Variants in PLAGL1 observed in about 807,000 individuals in gnomAD.
The protein encoded by PLAGL1 is zinc finger protein PLAGL1.
In PLAGL1, 1 loss-of-function variant was observed where a neutral mutation model predicts 4.6. That is an observed-to-expected ratio of 0.22 (90% CI 0.08 to 1.03). The LOEUF (loss-of-function observed/expected upper bound fraction) is 1.03, where lower values mean the gene tolerates loss of function less well. Among genes scored for constraint, PLAGL1 ranks in the 50% least tolerant of loss-of-function variants. PLAGL1 has a pLI of 0.58. For missense variants in PLAGL1, 464 were observed against 570.4 expected, an observed-to-expected ratio of 0.81 and a Z score of 1.90; for synonymous variants, 240 against 237.8, an observed-to-expected ratio of 1.01 and a Z score of -0.08.
chr6:144,054,444 TGCAGGG>T (rs933009542), intron 1 of PLAGL1, among the ~76,000 whole-genome samples: 1 of 152,160 alleles, frequency 6.6e-6, no homozygotes, highest in African/African-American at 2.4e-5. Context: ...TCATGTCCCT[TGCAGGG>T]GCATGGATGA....
rs1184433977 is a variant in PLAGL1 at position 144,005,551 on chromosome 6, A to G, written c.-584+2539T>C. 1.3e-5 allele frequency: 2 copies of G among 152,202 alleles called. No homozygotes were observed. The highest frequency in any genetic ancestry group is 1.9e-4 in the East Asian group (1 of 5,206). 9.4% of individuals were successfully genotyped at this position (152,202 alleles called of 1,614,324 possible). ...CTCAATATATACATGTCTCAGGTAA[A>G]TTAAAGAACAAAATGTGGACAAAAC... On this transcript the variant is annotated intron_variant, in intron 1 of 7. Coordinates refer to ENST00000674357, the MANE Select transcript of PLAGL1 (RefSeq NM_001317162.2). The surrounding 1 kb of genome is among the most constrained non-coding windows in gnomAD (Gnocchi z 4.6).
rs1161102716 is a variant in PLAGL1, at chr6:143,975,891, C to G, written c.-543-6913G>C. Among the ~76,000 whole-genome samples the G allele has an allele frequency of 6.6e-6, 1 of 152,126 alleles. No individual in the cohort carries two copies. Among genetic ancestry groups the G allele is most frequent in the Non-Finnish European group, 1.5e-5 (1 of 68,016 alleles). ...AAAAGAAGAAATTCACAGACTGTTA[C>G]CACTTGAAGAGAAAAATACACACAG... On this transcript the variant is annotated intron_variant, in intron 2 of 7. Coordinates refer to ENST00000674357, the MANE Select transcript of PLAGL1 (RefSeq NM_001317162.2). The surrounding 1 kb of genome is among the most constrained non-coding windows in gnomAD (Gnocchi z 5.8).
At position 143,990,301 on chromosome 6, in the gene PLAGL1, A is replaced by G. The variant is rs1473436531; in HGVS notation, c.-583-5127T>C. ...ATGCCCAGCTAATTTTTGTATTTTT[A>G]TTAGAGACGGGGTTTCAACATGTTG... On this transcript the variant is annotated intron_variant, in intron 1 of 7. Coordinates refer to ENST00000674357, the MANE Select transcript of PLAGL1 (RefSeq NM_001317162.2). The surrounding 1 kb of genome is among the most constrained non-coding windows in gnomAD (Gnocchi z 5.4). Among the ~76,000 whole-genome samples the G allele has an allele frequency of 6.6e-6, 1 of 151,988 alleles. No individual in the cohort carries two copies. Among genetic ancestry groups the G allele is most frequent in the Non-Finnish European group, 1.5e-5 (1 of 67,980 alleles).
At chr6:143,991,911 C>CATT (rs1206107516) in intron 1 of PLAGL1, among the ~76,000 whole-genome samples, 4 of 152,206 alleles carry the variant, frequency 2.6e-5, no homozygotes, top group Non-Finnish European at 2.9e-5. Flanking sequence ...GATCCCAGAA[C>CATT]ATTAAGAGAA....
upstream of PLAGL1, among the ~76,000 whole-genome samples, chr6:144,011,480 A>G (rs1795181331): frequency 1.3e-5 from 2 of 152,142 alleles, no homozygotes; most frequent in Admixed American, 6.6e-5. This position sits in a 1 kb window ranked among gnomAD's most constrained non-coding sequence, Gnocchi z 4.3. Context: ...TTTAACATTA[A>G]TATACCCTTT....
chr6:144,060,612 G>A (rs1011941223), intron 1 of PLAGL1, among the ~76,000 whole-genome samples: 1 of 152,014 alleles, frequency 6.6e-6, no homozygotes, highest in Non-Finnish European at 1.5e-5. Context: ...CTCTTCCCAA[G>A]AAAAAAATGA....
At position 144,027,223 on chromosome 6, in the gene PLAGL1, C is replaced by CAAAGAATGAAAGAAAG. The variant is rs1194756749; in HGVS notation, c.-151+37244_-151+37245insCTTTCTTTCATTCTTT. On this transcript the variant is annotated intron_variant, in intron 1 of 3. Transcript: ENST00000437412. This position sits in a 1 kb window ranked among gnomAD's most constrained non-coding sequence, Gnocchi z 5.8. ...TGGGTGACAGAGAAAGACCCCAACT[C>CAAAGAATGAAAGAAAG]AAAGAACGAACGAAAGAAAGAAAGA... 2.5e-4 allele frequency among the ~76,000 whole-genome samples: 24 copies of CAAAGAATGAAAGAAAG among 96,740 alleles called. 1 individual carries two copies. The highest frequency in any genetic ancestry group is 1.4e-3 in the African/African-American group (24 of 16,628). The allele number at this position is 96,740 out of a possible 152,430, so 63.5% of individuals were successfully genotyped here.
chr6:143,956,855 A>T (rs1782250368), intron 6 of PLAGL1, among the ~76,000 whole-genome samples: 1 of 152,248 alleles, frequency 6.6e-6, no homozygotes, highest in Non-Finnish European at 1.5e-5. Flanking sequence ...CCAAGGGGGA[A>T]GGGATGACTC....
chr6:143,949,657 A>T lies in PLAGL1; in HGVS notation c.-324-1197T>A, dbSNP rs1284446312. Among the ~76,000 whole-genome samples the T allele has an allele frequency of 6.6e-6, 1 of 152,224 alleles. No homozygotes were observed. Among genetic ancestry groups the T allele is most frequent in the Non-Finnish European group, 1.5e-5 (1 of 68,040 alleles). On this transcript the variant is annotated intron_variant, in intron 6 of 7. Transcript: ENST00000674357. The surrounding 1 kb of genome is among the most constrained non-coding windows in gnomAD (Gnocchi z 5.3). ...CTTTCAAGTGCCAATACTTAAAAAAATTAAGAGTACTGTATGCTTAGGTGA... is the reference window on the plus strand; with the variant it reads ...CTTTCAAGTGCCAATACTTAAAAAATTTAAGAGTACTGTATGCTTAGGTGA...
rs1778847468 is a variant in PLAGL1 at position 143,942,460 on chromosome 6, T to G, written c.356A>C (p.Asp119Ala). The G allele has an allele frequency of 6.2e-7, 1 of 1,613,940 alleles. No homozygotes were observed. The highest frequency in any genetic ancestry group is 8.5e-7 in the Non-Finnish European group (1 of 1,179,998). ...HLALHAASSGDLTCGVCALEL... is the reference protein window; with the variant it reads ...HLALHAASSGALTCGVCALEL... ...CAGGGCACAGACCCCACAGGTGAGGTCCCCACTGCTGGCCGCATGGAGGGC... is the reference window on the plus strand; with the variant it reads ...CAGGGCACAGACCCCACAGGTGAGGGCCCCACTGCTGGCCGCATGGAGGGC... The change falls in exon 8 of 8, where the codon GAC becomes GCC. Residue 119 changes from aspartate (D) to alanine (A), a missense_variant. Physicochemically the swap from Asp to Ala is moderately radical, Grantham distance 126. Transcript: ENST00000674357. This position sits in a 1 kb window ranked among gnomAD's most constrained non-coding sequence, Gnocchi z 7.6.
intron 1 of PLAGL1, among the ~76,000 whole-genome samples, chr6:144,035,887 A>G (rs1203123026): frequency 1.3e-5 from 2 of 152,172 alleles, no homozygotes; most frequent in South Asian, 2.1e-4. Flanking sequence ...GAGGCCCTCA[A>G]ATCAAGGGTA....
At position 143,978,627 on chromosome 6, in the gene PLAGL1, T is replaced by C. The variant is rs547057220; in HGVS notation, c.-544+6508A>G. On this transcript the variant is annotated intron_variant, in intron 2 of 7. Coordinates refer to ENST00000674357, the MANE Select transcript of PLAGL1 (RefSeq NM_001317162.2). The surrounding 1 kb of genome is among the most constrained non-coding windows in gnomAD (Gnocchi z 4.6). ...GGAAGTGTGATGTTCAGTTACAAGA[T>C]ATTTTTCCAGATTCCTTTCTAATTT... Among the ~76,000 whole-genome samples the C allele has an allele frequency of 7.4e-4, 113 of 152,324 alleles. No individual in the cohort carries two copies. The highest frequency in any genetic ancestry group is 1.4e-3 in the Non-Finnish European group (93 of 68,012).
At chr6:144,051,822 A>G (rs1171012762) in intron 1 of PLAGL1, among the ~76,000 whole-genome samples, 1 of 152,162 alleles carries the variant, frequency 6.6e-6, no homozygotes, top group Non-Finnish European at 1.5e-5. Context: ...ATTCACTATC[A>G]TGAGAATAGT....
intron 1 of PLAGL1, among the ~76,000 whole-genome samples, chr6:143,999,493 AC>A (rs1170414761): frequency 6.6e-6 from 1 of 152,218 alleles, no homozygotes; most frequent in Non-Finnish European, 1.5e-5. Flanking sequence ...TTGTTTAGTG[AC>A]CATTTTCCAC....
rs1433370007 is a variant in PLAGL1, at chr6:144,056,028, A to T, written c.-151+8440T>A. On this transcript the variant is annotated intron_variant, in intron 1 of 3. Transcript: ENST00000437412. The surrounding 1 kb of genome is among the most constrained non-coding windows in gnomAD (Gnocchi z 4.7). ...ATATAAGACAGAAGTACCACAGAGA[A>T]GTTCAACATGGTAAAAGATGACTCA... Among the ~76,000 whole-genome samples, 2 of 152,162 alleles carry T rather than the reference A, an allele frequency of 1.3e-5. No homozygotes were observed. Among genetic ancestry groups the T allele is most frequent in the Non-Finnish European group, 2.9e-5 (2 of 68,016 alleles).
intron 1 of PLAGL1, among the ~76,000 whole-genome samples, chr6:143,991,679 C>T (rs568520909): frequency 6.6e-6 from 1 of 152,298 alleles, no homozygotes; most frequent in South Asian, 2.1e-4. Flanking sequence ...GGAAGGTGCC[C>T]ACCCAGGCCT....
At chr6:144,037,911 C>G (rs181445233) in intron 1 of PLAGL1, among the ~76,000 whole-genome samples, 1 of 152,270 alleles carries the variant, frequency 6.6e-6, no homozygotes, top group Admixed American at 6.5e-5. Flanking sequence ...AATTTCCCCC[C>G]TTAGAATGTA....
Position 143,948,482 on chromosome 6 carries a change from T to G in PLAGL1, c.-324-22A>C. 1 of 215,382 alleles carries G rather than the reference T, an allele frequency of 4.6e-6. No individual in the cohort carries two copies. The highest frequency in any genetic ancestry group is 9.5e-5 in the South Asian group (1 of 10,486). 13.3% of individuals were successfully genotyped at this position (215,382 alleles called of 1,614,324 possible). On this transcript the variant is annotated intron_variant, in intron 6 of 7. Coordinates refer to ENST00000674357, the MANE Select transcript of PLAGL1 (RefSeq NM_001317162.2). This position sits in a 1 kb window ranked among gnomAD's most constrained non-coding sequence, Gnocchi z 6.0. ...TTGGCTGTGGAGAGAAGAGGAACAG[T>G]TTTCTTGCATTAGCCATTTGAAAAC... is the stretch of plus-strand genomic sequence containing the variant.
chr6:144,062,424 C>A (rs1198390894), intron 1 of PLAGL1, among the ~76,000 whole-genome samples: 7 of 130,924 alleles, frequency 5.3e-5, no homozygotes, highest in African/African-American at 1.7e-4. Context: ...AAGTCATTTC[C>A]ATTTTTAGAT....
Sources: allele counts gnomAD v4.1 joint callset (sites outside exome capture counted in the v4.1 genomes callset), GRCh38; gene constraint gnomAD v4.1.1; non-coding constraint Gnocchi (gnomAD v3.1); transcripts MANE v1.5; gene names NCBI Gene and HGNC (gene_info 2026-07-23, HGNC 2026-07-21).